The following CYP2E1 variants were observed in gnomAD, a reference collection of about 807,000 sequenced individuals.
CYP2E1 encodes cytochrome P450 2E1.
A neutral mutation model predicts 42.9 loss-of-function variants in CYP2E1; 31 were observed. The observed-to-expected ratio is 0.72, with a 90% CI of 0.54 to 0.98. The LOEUF is 0.98. Among genes scored for constraint, CYP2E1 ranks in the 50% least tolerant of loss-of-function variants. The probability of loss-of-function intolerance (pLI) is 0.00; values close to 1 mark genes in which losing one functional copy is unlikely to be tolerated. For missense variants in CYP2E1, 565 were observed against 633.2 expected (o/e 0.89, Z 1.16); for synonymous variants, 244 against 248.9 (o/e 0.98, Z 0.19).
intron 6 of CYP2E1, among the ~76,000 whole-genome samples, chr10:133,534,813 G>A (rs2133597992): frequency 6.6e-6 from 1 of 152,144 alleles, no homozygotes; most frequent in Middle Eastern, 3.4e-3. Context: ...TGGATCCAGG[G>A]TCAGACCCTG....
At position 133,533,824 on chromosome 10, in the gene CYP2E1, T is replaced by A; in HGVS notation, c.894T>A (p.Phe298Leu). The A allele has an allele frequency of 6.2e-7, 1 of 1,614,160 alleles. No individual in the cohort carries two copies. Among genetic ancestry groups the A allele is most frequent in the Non-Finnish European group, 8.5e-7 (1 of 1,180,006 alleles). ...CCGTGACTGTGGCCGACCTGTTCTTTGCGGGGACAGAGACCACCAGCACAA... is the reference window on the plus strand; with the variant it reads ...CCGTGACTGTGGCCGACCTGTTCTTAGCGGGGACAGAGACCACCAGCACAA... ...GITVTVADLF[F>L]AGTETTSTTL... The change falls in exon 6 of 9, where the codon TTT (phenylalanine) becomes TTA (leucine). Residue 298 changes from phenylalanine to leucine, a missense_variant. Physicochemically the swap from Phe to Leu is conservative, Grantham distance 22. Transcript: ENST00000252945.
At chr10:133,537,324 G>T in intron 7 of CYP2E1, 74 bp downstream of exon 7, 1 of 1,530,504 alleles carries the variant, frequency 6.5e-7, no homozygotes, top group South Asian at 1.2e-5. Context: ...CAGGGAGCAG[G>T]ATGGGGGCCC....
In CYP2E1 at chr10:133,539,096, A is replaced by C. The variant is rs12164704; in HGVS notation, c.*132A>C. 4.7e-3 allele frequency: 2,996 copies of C among 635,656 alleles called. No individual in the cohort carries two copies. In the African/African-American group the frequency reaches 0.049, roughly 10 times the overall value. 39.4% of individuals were successfully genotyped at this position (635,656 alleles called of 1,614,324 possible). ...ATAAATATTTTCCCAGAATATAAAT[A>C]AATCATCACATGATTATTTTAACTA... On this transcript the variant is annotated 3_prime_UTR_variant, in exon 9 of 9. Coordinates refer to ENST00000252945, the MANE Select transcript of CYP2E1 (RefSeq NM_000773.4).
rs1324031177 is a variant in CYP2E1, at chr10:133,528,509, C to T, written c.206C>T (p.Thr69Met). 5.0e-6 allele frequency: 8 copies of T among 1,613,248 alleles called. No individual in the cohort carries two copies. In the East Asian group the frequency reaches 1.8e-4, roughly 36 times the overall value. ...GCCCAGCGCTTCGGGCCGGTGTTCA[C>T]GCTGTACGTGGGCTCGCAGCGCATG... ...RLAQRFGPVFTLYVGSQRMVV... is the reference protein window; with the variant it reads ...RLAQRFGPVFMLYVGSQRMVV... The change falls in exon 2 of 9, where the codon ACG becomes ATG. Residue 69 changes from threonine (T) to methionine (M), a missense_variant. Thr to Met is a moderately conservative substitution (Grantham distance 81). Transcript: ENST00000252945.
intron 8 of CYP2E1, 92 bp downstream of exon 8, chr10:133,537,984 C>A: frequency 7.8e-7 from 1 of 1,279,526 alleles, no homozygotes; most frequent in Non-Finnish European, 1.1e-6. Context: ...TCCCAGGCAC[C>A]CACTGACACC....
At chr10:133,528,961 G>T (rs1358884911) in intron 2 of CYP2E1, among the ~76,000 whole-genome samples, 2 of 152,114 alleles carry the variant, frequency 1.3e-5, no homozygotes, top group Non-Finnish European at 1.5e-5. Context: ...TCCCGGGAGC[G>T]CTTTCCCCTC....
intron 7 of CYP2E1, 103 bp downstream of exon 7, chr10:133,537,353 C>A: frequency 8.2e-7 from 1 of 1,223,428 alleles, no homozygotes; most frequent in Non-Finnish European, 1.2e-6. Flanking sequence ...TTCCCTTTGG[C>A]AGGGGTCACT....
chr10:133,537,529 A>G (rs905226872), intron 7 of CYP2E1: 14 of 595,940 alleles, frequency 2.3e-5, no homozygotes, highest in Admixed American at 3.1e-5. Context: ...TATCACAACC[A>G]GCCCTGGGGT....
Position 133,528,291 on chromosome 10 carries a change from C to G in CYP2E1, c.178-190C>G, listed in dbSNP as rs1183524313. Reference sequence around the variant, plus strand: ...AGCAGAGCAGCTGGAACCCCCCGAGCGCCCTGCAGACGCAGCAGCCTCTTG... The same window carrying G: ...AGCAGAGCAGCTGGAACCCCCCGAGGGCCCTGCAGACGCAGCAGCCTCTTG... On this transcript the variant is annotated intron_variant, in intron 1 of 8. Transcript: ENST00000252945. The G allele has an allele frequency of 6.5e-6, 4 of 619,198 alleles. No individual in the cohort carries two copies. The East Asian group carries it at 1.1e-4, about 17-fold the overall frequency. 38.4% of individuals were successfully genotyped at this position (619,198 alleles called of 1,614,324 possible). A position where few individuals can be genotyped will look rare whatever the true frequency, so the allele number is the denominator to read the frequency against.
At chr10:133,531,840 C>A in intron 3 of CYP2E1, 106 bp downstream of exon 3, 1 of 1,210,058 alleles carries the variant, frequency 8.3e-7, no homozygotes, top group Non-Finnish European at 1.1e-6. Context: ...GACCTACGGA[C>A]AAGGAGAGGG....
intron 2 of CYP2E1, among the ~76,000 whole-genome samples, chr10:133,530,600 G>A (rs911369575): frequency 1.3e-5 from 2 of 152,194 alleles, no homozygotes; most frequent in Non-Finnish European, 2.9e-5. Flanking sequence ...CCCAGGAGTG[G>A]TCAGTGGTCA....
At chr10:133,536,230 T>C (rs914210073) in intron 6 of CYP2E1, among the ~76,000 whole-genome samples, 6 of 152,164 alleles carry the variant, frequency 3.9e-5, no homozygotes, top group Non-Finnish European at 8.8e-5. Context: ...TCAACTGAGA[T>C]AATGGATGCC....
intron 1 of CYP2E1, 21 bp from the exon 2 acceptor site, chr10:133,528,460 T>G: frequency 1.2e-6 from 2 of 1,610,888 alleles, no homozygotes; most frequent in Non-Finnish European, 1.7e-6. Flanking sequence ...GGGCCTGACT[T>G]CTAGCCACGG....
Position 133,531,730 on chromosome 10 carries a change from C to T in CYP2E1, c.483C>T (p.Thr161=). 2 of 1,592,818 alleles carry T rather than the reference C, an allele frequency of 1.3e-6. No individual in the cohort carries two copies. The highest frequency in any genetic ancestry group is 1.7e-6 in the Non-Finnish European group (2 of 1,170,210). ...AHFLLEALRK[T]QGQPFDPTFL... ...TCCTGCTGGAAGCACTCAGGAAGAC[C>T]CAAGGTGCGTATCTGCTGCCTAGCA... Residue 161 remains threonine (T), a synonymous_variant, in exon 3 of 9, where the codon ACC becomes ACT. Transcript: ENST00000252945.
intron 5 of CYP2E1, 70 bp from the exon 6 acceptor site, chr10:133,533,686 G>T: frequency 6.4e-7 from 1 of 1,553,680 alleles, no homozygotes; most frequent in East Asian, 2.3e-5. Flanking sequence ...GTGGAGCTGG[G>T]AGGTGGCTGG....
At chr10:133,535,241 G>A (rs1851383291) in intron 6 of CYP2E1, among the ~76,000 whole-genome samples, 1 of 152,118 alleles carries the variant, frequency 6.6e-6, no homozygotes, top group Non-Finnish European at 1.5e-5. Flanking sequence ...GGCTGAGGCA[G>A]GAGAATCGCT....
At chr10:133,530,340 C>A (rs552343713) in intron 2 of CYP2E1, among the ~76,000 whole-genome samples, 1 of 152,288 alleles carries the variant, frequency 6.6e-6, no homozygotes, top group African/African-American at 2.4e-5. Context: ...ACCTGTTGAA[C>A]TCTGTCTAAA....
At chr10:133,531,926 T>A in intron 3 of CYP2E1, 192 bp downstream of exon 3, 1 of 748,996 alleles carries the variant, frequency 1.3e-6, no homozygotes, top group Non-Finnish European at 2.1e-6. Context: ...GGGTGGCCAT[T>A]AAACACGTGA....
At chr10:133,527,634 A>G (rs1851286489) in intron 1 of CYP2E1, 62 bp downstream of exon 1, 3 of 1,337,424 alleles carry the variant, frequency 2.2e-6, no homozygotes, top group African/African-American at 1.4e-5. Flanking sequence ...GTATGTGTGT[A>G]TTCAACTCAT....
Sources: allele counts gnomAD v4.1 joint callset (sites outside exome capture counted in the v4.1 genomes callset), GRCh38; gene constraint gnomAD v4.1.1; transcripts MANE v1.5; gene names NCBI Gene and HGNC (gene_info 2026-07-23, HGNC 2026-07-21).